Variants in SAXO1 observed in about 807,000 individuals in gnomAD.
SAXO1 encodes 4930500O09Rik.
In SAXO1, 21 loss-of-function variants were observed where a neutral mutation model predicts 17.5. That is an observed-to-expected ratio of 1.20 (90% CI 0.85 to 1.72). The LOEUF (loss-of-function observed/expected upper bound fraction) is 1.72. SAXO1 is among the 40% of genes most tolerant of loss of function. The pLI is 0.00. For synonymous variants in SAXO1, 274 were observed against 216.5 expected, an observed-to-expected ratio of 1.27 and a Z score of -2.33; for missense variants, 843 against 596.0, an observed-to-expected ratio of 1.41 and a Z score of -4.32.
chr9:18,950,098 C>G (rs1022489453), intron 2 of SAXO1, among the ~76,000 whole-genome samples: 1 of 152,176 alleles, frequency 6.6e-6, no homozygotes, highest in Non-Finnish European at 1.5e-5. Context: ...CAACCCTGAA[C>G]TGATAACTTT....
intron 1 of SAXO1, among the ~76,000 whole-genome samples, chr9:19,005,863 A>T (rs902515952): frequency 6.6e-6 from 1 of 152,232 alleles, no homozygotes; most frequent in Non-Finnish European, 1.5e-5. Flanking sequence ...TGCAGATCTG[A>T]TAAGGGATTA....
chr9:18,942,171 G>A (rs1202725432), intron 2 of SAXO1, among the ~76,000 whole-genome samples: 1 of 152,112 alleles, frequency 6.6e-6, no homozygotes, highest in Non-Finnish European at 1.5e-5. Flanking sequence ...TGCCACCTGA[G>A]CTTCCTCCTT....
intron 1 of SAXO1, among the ~76,000 whole-genome samples, chr9:19,031,031 G>C (rs1835742883): frequency 6.6e-6 from 1 of 152,226 alleles, no homozygotes; most frequent in Admixed American, 6.5e-5. Flanking sequence ...CCAATGGAAA[G>C]TGACTCCTTT....
At chr9:19,027,697 G>GATGTGGGAGGATTGCTTGA in intron 1 of SAXO1, 1 of 1,342,676 alleles carries the variant, frequency 7.4e-7, no homozygotes, top group Non-Finnish European at 1.1e-6. Flanking sequence ...CTGATGAGCT[G>GATGTGGGAGGATTGCTTGA]GATGCCATAG....
At position 19,009,725 on chromosome 9, in the gene SAXO1, C is replaced by G. The variant is rs191096142; in HGVS notation, c.38+23146G>C. ...AAATCCTGACCTGCTTACACTCTTT[C>G]ATTACCAAAGCCAGTCAGATTTTCC... is the stretch of plus-strand genomic sequence containing the variant. On this transcript the variant is annotated intron_variant, in intron 1 of 3. Transcript: ENST00000380534. 3.9e-5 allele frequency among the ~76,000 whole-genome samples: 6 copies of G among 152,320 alleles called. No homozygotes were observed. In the East Asian group the frequency reaches 1.2e-3, roughly 29 times the overall value.
intron 1 of SAXO1, among the ~76,000 whole-genome samples, chr9:19,022,457 AAAG>A (rs1563987326): frequency 6.6e-6 from 1 of 152,252 alleles, no homozygotes; most frequent in Non-Finnish European, 1.5e-5. Flanking sequence ...GAAGCAAGAT[AAAG>A]AACAGGGTAT....
rs1290175756 is a variant in SAXO1 at position 19,011,420 on chromosome 9, TGAAA to T, written c.38+21447_38+21450del. Among the ~76,000 whole-genome samples, 110 of 152,292 alleles carry T rather than the reference TGAAA, an allele frequency of 7.2e-4. 1 individual carries two copies. The highest frequency in any genetic ancestry group is 7.0e-3 in the Admixed American group (107 of 15,290). On this transcript the variant is annotated intron_variant, in intron 1 of 3. Coordinates refer to ENST00000380534, the MANE Select transcript of SAXO1 (RefSeq NM_153707.4). ...ATAGATGACTTAAACAAAACATGGC[TGAAA>T]GAGACACGCCCGATGCACATGCAGA...
intron 1 of SAXO1, among the ~76,000 whole-genome samples, chr9:18,957,710 C>T (rs972429930): frequency 4.6e-5 from 7 of 152,058 alleles, no homozygotes; most frequent in African/African-American, 1.4e-4. Context: ...CCTGGAATAG[C>T]GAAAACTCTG....
chr9:19,010,408 T>A (rs34387057), intron 1 of SAXO1, among the ~76,000 whole-genome samples: 16 of 152,164 alleles, frequency 1.1e-4, no homozygotes, highest in Admixed American at 4.6e-4. Flanking sequence ...CAGGGGCTAT[T>A]TGCTGTTTCT....
chr9:18,939,286 G>A (rs537186064), intron 3 of SAXO1, among the ~76,000 whole-genome samples: 4 of 152,192 alleles, frequency 2.6e-5, no homozygotes, highest in African/African-American at 9.6e-5. Flanking sequence ...ATTCAGTAGA[G>A]GCAAAAGTGC....
At chr9:18,997,950 C>T (rs1025817945) in intron 1 of SAXO1, among the ~76,000 whole-genome samples, 4 of 152,140 alleles carry the variant, frequency 2.6e-5, no homozygotes, top group Non-Finnish European at 5.9e-5. Context: ...CACACCAAAA[C>T]CCCATCTGTA....
chr9:18,937,787 G>A (rs1166869669), intron 3 of SAXO1, among the ~76,000 whole-genome samples: 7 of 152,086 alleles, frequency 4.6e-5, no homozygotes, highest in South Asian at 2.1e-4. Flanking sequence ...ACCTATCAGC[G>A]CCTTGATCTT....
At position 19,013,505 on chromosome 9, in the gene SAXO1, G is replaced by A. The variant is rs62560433; in HGVS notation, c.38+19366C>T. Among the ~76,000 whole-genome samples, 486 of 147,786 alleles carry A rather than the reference G, an allele frequency of 3.3e-3. 1 individual carries two copies. The highest frequency in any genetic ancestry group is 0.014 in the Middle Eastern group (4 of 286). ...AGGAATGCAGTCACAATACTGTCAC[G>A]TCTTTTGGTATTTCAGAAGAAACTA... On this transcript the variant is annotated intron_variant, in intron 1 of 3. Coordinates refer to ENST00000380534, the MANE Select transcript of SAXO1 (RefSeq NM_153707.4).
chr9:19,021,701 G>C (rs560802981), intron 1 of SAXO1, among the ~76,000 whole-genome samples: 1 of 152,202 alleles, frequency 6.6e-6, no homozygotes, highest in African/African-American at 2.4e-5. Flanking sequence ...TGAGCTTCTG[G>C]GTCAGGTGGG....
intron 1 of SAXO1, among the ~76,000 whole-genome samples, chr9:19,001,934 C>CA (rs911565610): frequency 2.6e-5 from 4 of 151,788 alleles, no homozygotes; most frequent in African/African-American, 9.7e-5. Flanking sequence ...AAAAACCCTT[C>CA]AAAAAAATCA....
Position 19,015,213 on chromosome 9 carries a change from C to T in SAXO1, c.38+17658G>A, listed in dbSNP as rs191791175. On this transcript the variant is annotated intron_variant, in intron 1 of 3. Coordinates refer to ENST00000380534, the MANE Select transcript of SAXO1 (RefSeq NM_153707.4). ...GTATCCCTTCCTATGTCAACCAGCC[C>T]GGAGTACAATGGCATGATCATGGCT... is the stretch of plus-strand genomic sequence containing the variant. Among the ~76,000 whole-genome samples, 55 of 152,268 alleles carry T rather than the reference C, an allele frequency of 3.6e-4. 1 individual carries two copies. The highest frequency in any genetic ancestry group is 2.9e-3 in the Admixed American group (45 of 15,292).
chr9:18,997,034 A>G (rs1451823777), intron 1 of SAXO1, among the ~76,000 whole-genome samples: 6 of 152,208 alleles, frequency 3.9e-5, no homozygotes, highest in African/African-American at 1.4e-4. Context: ...ACTGACGCAG[A>G]AGATGGGTGA....
rs568200183 is a variant in SAXO1 at position 19,007,761 on chromosome 9, T to C, written c.38+25110A>G. 5.1e-4 allele frequency among the ~76,000 whole-genome samples: 77 copies of C among 152,354 alleles called. 1 individual carries two copies. Among genetic ancestry groups the C allele is most frequent in the Admixed American group, 1.4e-3 (21 of 15,304 alleles). On this transcript the variant is annotated intron_variant, in intron 1 of 3. Coordinates refer to ENST00000380534, the MANE Select transcript of SAXO1 (RefSeq NM_153707.4). Reference sequence around the variant, plus strand: ...TGAGCTAAGAATAATTTTTACATTTTAAAATAGTTGAAAAATTAACAGGGA... The same window carrying C: ...TGAGCTAAGAATAATTTTTACATTTCAAAATAGTTGAAAAATTAACAGGGA...
In SAXO1 at chr9:19,049,336, G is replaced by A. The variant is rs1273890770; in HGVS notation, c.-285C>T. Reference sequence around the variant, plus strand: ...GCAGCGGCTTTTCAAGGCTCGTCGGGCACGGAGGGCGGAGCGAGGGAGCTC... The same window carrying A: ...GCAGCGGCTTTTCAAGGCTCGTCGGACACGGAGGGCGGAGCGAGGGAGCTC... On this transcript the variant is annotated 5_prime_UTR_variant, in exon 1 of 4. Transcript: ENST00000542071. The surrounding 1 kb of genome is among the most constrained non-coding windows in gnomAD (Gnocchi z 5.4). The A allele has an allele frequency of 2.0e-5, 5 of 256,328 alleles. No individual in the cohort carries two copies. In the South Asian group the frequency reaches 2.1e-4, roughly 11 times the overall value. The allele number at this position is 256,328 out of a possible 1,614,324, so 15.9% of individuals were successfully genotyped here. A position where few individuals can be genotyped will look rare whatever the true frequency, so the allele number is the denominator to read the frequency against.
Sources: gnomAD v4.1 joint callset for allele counts (sites outside exome capture counted in the v4.1 genomes callset) on GRCh38, gnomAD v4.1.1 for gene constraint, Gnocchi (gnomAD v3.1) non-coding constraint, MANE v1.5 for transcripts, NCBI Gene and HGNC (gene_info 2026-07-23, HGNC 2026-07-21) for gene names.